SLC22A13: variants seen among roughly 807,000 people sequenced by gnomAD.
The protein encoded by SLC22A13 is organic anion transporter 10.
SLC22A13 carries 42 observed loss-of-function variants against 49.1 expected under a neutral mutation model. That is an observed-to-expected ratio of 0.85 (90% CI 0.67 to 1.11). The LOEUF (loss-of-function observed/expected upper bound fraction) is 1.11. SLC22A13 is among the 50% of genes least tolerant of loss of function. The pLI, the probability that SLC22A13 is intolerant of heterozygous loss-of-function variation, is 0.00. For missense variants in SLC22A13, 694 were observed against 712.8 expected (o/e 0.97, Z 0.30); for synonymous variants, 282 against 293.1 (o/e 0.96, Z 0.39).
chr3:38,277,041 C>G lies in SLC22A13; in HGVS notation c.1476C>G (p.Ala492=). ...TCTACGGCAGCCTCCCCATCGTGGCCGGCCTGCTGTGCACCCTGCTGCCAG... is the reference window on the plus strand; with the variant it reads ...TCTACGGCAGCCTCCCCATCGTGGCGGGCCTGCTGTGCACCCTGCTGCCAG... ...MLIYGSLPIV[A]GLLCTLLPET... Residue 492 remains alanine, a synonymous_variant, in exon 9 of 10, where the codon GCC becomes GCG. Transcript: ENST00000311856. The G allele has an allele frequency of 6.3e-7, 1 of 1,599,086 alleles. No homozygotes were observed. Among genetic ancestry groups the G allele is most frequent in the South Asian group, 1.1e-5 (1 of 88,552 alleles).
At chr3:38,268,501 T>C (rs1397347304) in intron 1 of SLC22A13, among the ~76,000 whole-genome samples, 5 of 152,348 alleles carry the variant, frequency 3.3e-5, no homozygotes, top group Admixed American at 3.3e-4. Context: ...AAGCTGCACA[T>C]TTATGCTAAG....
intron 1 of SLC22A13, among the ~76,000 whole-genome samples, chr3:38,267,731 C>T (rs533279165): frequency 1.3e-5 from 2 of 152,252 alleles, no homozygotes; most frequent in East Asian, 3.9e-4. Flanking sequence ...AAGGGCTGGG[C>T]GGGTTCTAAG....
At position 38,276,271 on chromosome 3, in the gene SLC22A13, G is replaced by C; in HGVS notation, c.1238-16G>C. On this transcript the variant is annotated splice_polypyrimidine_tract_variant and intron_variant, in intron 7 of 9. Coordinates refer to ENST00000311856, the MANE Select transcript of SLC22A13 (RefSeq NM_004256.4). Reference sequence around the variant, plus strand: ...GCGTCAGGGCCCAGGTGATGGGGCTGTCTACCCTCTGCCAGATCTGCCCGT... The same window carrying C: ...GCGTCAGGGCCCAGGTGATGGGGCTCTCTACCCTCTGCCAGATCTGCCCGT... The C allele has an allele frequency of 1.2e-6, 2 of 1,603,156 alleles. No homozygotes were observed. Among genetic ancestry groups the C allele is most frequent in the Non-Finnish European group, 1.7e-6 (2 of 1,172,780 alleles).
Position 38,276,329 on chromosome 3 carries a change from T to C in SLC22A13, c.1280T>C (p.Met427Thr). ...ACCATGCTGGCTGTGGTGGGGAAGATGGCCACAGCTGCTGCCTTTACCATC... is the reference window on the plus strand; with the variant it reads ...ACCATGCTGGCTGTGGTGGGGAAGACGGCCACAGCTGCTGCCTTTACCATC... ...VVTMLAVVGK[M>T]ATAAAFTISY... The change falls in exon 8 of 10, where the codon ATG becomes ACG. Residue 427 changes from methionine (M) to threonine (T), a missense_variant. Physicochemically the swap from Met to Thr is moderately conservative, Grantham distance 81. Coordinates refer to ENST00000311856, the MANE Select transcript of SLC22A13 (RefSeq NM_004256.4). 1.9e-6 allele frequency: 3 copies of C among 1,613,874 alleles called. No individual in the cohort carries two copies. The highest frequency in any genetic ancestry group is 1.7e-6 in the Non-Finnish European group (2 of 1,179,890).
intron 1 of SLC22A13, among the ~76,000 whole-genome samples, chr3:38,273,214 C>T (rs1013609294): frequency 2.0e-5 from 3 of 152,108 alleles, no homozygotes; most frequent in Admixed American, 2.0e-4. Flanking sequence ...GGGGGTCAGT[C>T]AAGTGAGTCA....
At chr3:38,270,292 C>T in intron 1 of SLC22A13, 1 of 188,682 alleles carries the variant, frequency 5.3e-6, no homozygotes, top group Non-Finnish European at 1.1e-5. Context: ...TTCTTTAGGC[C>T]CTTCTCTGTG....
chr3:38,275,556 T>C, intron 5 of SLC22A13, 22 bp from the exon 6 acceptor site: 1 of 1,613,948 alleles, frequency 6.2e-7, no homozygotes, highest in Non-Finnish European at 8.5e-7. Flanking sequence ...GCCTGGCTTC[T>C]CACTCTGCTT....
intron 8 of SLC22A13, 109 bp from the exon 9 acceptor site, chr3:38,276,803 G>C: frequency 2.2e-6 from 2 of 929,724 alleles, no homozygotes; most frequent in Non-Finnish European, 3.3e-6. Flanking sequence ...TGAGGCTGGA[G>C]ACCCTGCAGA....
chr3:38,278,522 C>T lies in SLC22A13; in HGVS notation c.*1057C>T, dbSNP rs1247402750. 6.6e-6 allele frequency among the ~76,000 whole-genome samples: 1 copy of T among 152,228 alleles called. No homozygotes were observed. Among genetic ancestry groups the T allele is most frequent in the East Asian group, 1.9e-4 (1 of 5,172 alleles). ...CTACAGCTGGCAGCCCCTGACCCAACCAAGATGGCCTTCTTGGCTGGGCGT... is the reference window on the plus strand; with the variant it reads ...CTACAGCTGGCAGCCCCTGACCCAATCAAGATGGCCTTCTTGGCTGGGCGT... On this transcript the variant is annotated 3_prime_UTR_variant, in exon 10 of 10. Coordinates refer to ENST00000311856, the MANE Select transcript of SLC22A13 (RefSeq NM_004256.4).
chr3:38,265,843 A>T lies in SLC22A13; in HGVS notation c.-18A>T, dbSNP rs753255812. 2 of 1,612,172 alleles carry T rather than the reference A, an allele frequency of 1.2e-6. No homozygotes were observed. The highest frequency in any genetic ancestry group is 2.7e-5 in the African/African-American group (2 of 74,872). ...CTACCCTAGTGTCCCCAGGCTGAGG[A>T]GGTAGTGACTGGCATACATGGCTCA... is the stretch of plus-strand genomic sequence containing the variant. On this transcript the variant is annotated 5_prime_UTR_variant, in exon 1 of 10. Transcript: ENST00000311856.
rs183597966 is a variant in SLC22A13, at chr3:38,278,734, C to T, written c.*1269C>T. ...ACTTGGGAGGCTGAGGCAGGAGAATCGCTTGAACCTGGGAGGCGGAGTTTG... is the reference window on the plus strand; with the variant it reads ...ACTTGGGAGGCTGAGGCAGGAGAATTGCTTGAACCTGGGAGGCGGAGTTTG... On this transcript the variant is annotated 3_prime_UTR_variant, in exon 10 of 10. Transcript: ENST00000311856. Among the ~76,000 whole-genome samples the T allele has an allele frequency of 2.0e-5, 3 of 150,060 alleles. No homozygotes were observed. Among genetic ancestry groups the T allele is most frequent in the Middle Eastern group, 3.2e-3 (1 of 308 alleles).
At chr3:38,270,851 G>A (rs1575389662) in intron 1 of SLC22A13, 1 of 152,358 alleles carries the variant, frequency 6.6e-6, no homozygotes, top group Non-Finnish European at 1.5e-5. Context: ...CGGCACTCAG[G>A]ACCTCTCTCC....
chr3:38,271,377 C>A (rs554416052), intron 1 of SLC22A13, among the ~76,000 whole-genome samples: 1 of 151,812 alleles, frequency 6.6e-6, no homozygotes, highest in South Asian at 2.1e-4. Context: ...CCAGCCTGGG[C>A]AATATAGTGA....
chr3:38,268,529 G>A (rs1025893428), intron 1 of SLC22A13, among the ~76,000 whole-genome samples: 1 of 152,140 alleles, frequency 6.6e-6, no homozygotes, highest in African/African-American at 2.4e-5. Flanking sequence ...GAGAATGACA[G>A]GAAAGACTTT....
intron 1 of SLC22A13, among the ~76,000 whole-genome samples, chr3:38,268,057 T>G (rs1703481460): frequency 1.3e-5 from 2 of 152,184 alleles, no homozygotes; most frequent in South Asian, 4.1e-4. Flanking sequence ...AAAGAATGCA[T>G]ACACAAAGAA....
chr3:38,271,352 CCCAAGAGT>C (rs1703518240), intron 1 of SLC22A13, among the ~76,000 whole-genome samples: 3 of 151,694 alleles, frequency 2.0e-5, no homozygotes, highest in Non-Finnish European at 4.4e-5. Context: ...ATCACTTGAG[CCCAAGAGT>C]TCAAGACCAG....
Position 38,275,437 on chromosome 3 carries a change from C to T in SLC22A13, c.874C>T (p.Gln292Ter), listed in dbSNP as rs1266889411. 1.9e-6 allele frequency: 3 copies of T among 1,614,196 alleles called. No homozygotes were observed. Among genetic ancestry groups the T allele is most frequent in the South Asian group, 2.2e-5 (2 of 91,086 alleles). The change falls in exon 5 of 10, where the codon CAG (glutamine) becomes TAG (stop). Residue 292 changes from glutamine to a stop codon, truncating the protein, a stop_gained. Transcript: ENST00000311856. LOFTEE classifies it high-confidence loss of function. ...GATGGACGAGGCGATACAACTGATC[C>T]AGAAGGCGGCCTCGGTCAATAGGCG... Reference protein sequence around the residue: ...GRMDEAIQLIQKAASVNRRKL... With the variant: ...GRMDEAIQLI
chr3:38,272,922 T>C (rs1703536155), intron 1 of SLC22A13, among the ~76,000 whole-genome samples: 1 of 152,224 alleles, frequency 6.6e-6, no homozygotes, highest in South Asian at 2.1e-4. Context: ...ATGTCTCAAC[T>C]CTACCAGCTG....
chr3:38,266,285 A>G, intron 1 of SLC22A13, 47 bp downstream of exon 1: 1 of 1,588,770 alleles, frequency 6.3e-7, no homozygotes. Flanking sequence ...TGGGTCTGTC[A>G]GGTCTTGTGC....
Sources: allele counts gnomAD v4.1 joint callset (sites outside exome capture counted in the v4.1 genomes callset), GRCh38; gene constraint gnomAD v4.1.1; transcripts MANE v1.5; gene names NCBI Gene and HGNC (gene_info 2026-07-23, HGNC 2026-07-21).